Variants in SHLD2 observed in about 807,000 individuals in gnomAD.
The protein encoded by SHLD2 is shieldin complex subunit 2, also known as RINN1-REV7-interacting novel NHEJ regulator 2.
In SHLD2, 30 loss-of-function variants were observed where a neutral mutation model predicts 73.2. The ratio of observed to expected loss-of-function variants is 0.41; its 90% CI spans 0.31 to 0.56. The LOEUF is 0.56. Ranked by LOEUF, SHLD2 falls within the 20% of genes least tolerant of loss-of-function variation. SHLD2 has a pLI of 0.28. For synonymous variants in SHLD2, 285 were observed against 370.1 expected (o/e 0.77, Z 2.64); for missense variants, 745 against 1,055.9 (o/e 0.71, Z 4.08).
chr10:87,128,115 T>G (rs1319644454), intron 2 of SHLD2, among the ~76,000 whole-genome samples: 1 of 152,186 alleles, frequency 6.6e-6, no homozygotes, highest in Non-Finnish European at 1.5e-5. Context: ...AAGTGGTCTT[T>G]CAGGGATTGT....
At chr10:87,178,782 T>C (rs183898800) in intron 7 of SHLD2, among the ~76,000 whole-genome samples, 1 of 152,206 alleles carries the variant, frequency 6.6e-6, no homozygotes, top group South Asian at 2.1e-4. Context: ...TGGTATTGAA[T>C]CTTCTACAGT....
At chr10:87,119,988 A>T (rs1843494637) in intron 2 of SHLD2, among the ~76,000 whole-genome samples, 3 of 152,120 alleles carry the variant, frequency 2.0e-5, no homozygotes, top group Non-Finnish European at 4.4e-5. Flanking sequence ...CAGCATCCTG[A>T]GCAAAGAAAA....
intron 2 of SHLD2, among the ~76,000 whole-genome samples, chr10:87,112,564 C>G (rs1029387693): frequency 6.7e-6 from 1 of 149,406 alleles, no homozygotes; most frequent in South Asian, 2.1e-4. Flanking sequence ...GAGCCTGTGC[C>G]GTCGAGGCTG....
At chr10:87,189,830 C>A (rs536710448) in intron 9 of SHLD2, among the ~76,000 whole-genome samples, 1 of 152,008 alleles carries the variant, frequency 6.6e-6, no homozygotes, top group Non-Finnish European at 1.5e-5. Flanking sequence ...GTGACCGATT[C>A]AAGATTCTTT....
intron 2 of SHLD2, among the ~76,000 whole-genome samples, chr10:87,115,832 G>A (rs1241066659): frequency 6.6e-6 from 1 of 152,118 alleles, no homozygotes; most frequent in Non-Finnish European, 1.5e-5. Context: ...AATCCTGGGG[G>A]AATATCAGCT....
At chr10:87,119,877 A>G (rs2134065320) in intron 2 of SHLD2, among the ~76,000 whole-genome samples, 1 of 151,928 alleles carries the variant, frequency 6.6e-6, no homozygotes, top group Non-Finnish European at 1.5e-5. Flanking sequence ...CAACTTTTGG[A>G]GTTTATGGGC....
In SHLD2 at chr10:87,180,138, T is replaced by C. The variant is rs766013412; in HGVS notation, c.2234T>C (p.Ile745Thr). ...TTTCCTATTACAGCATCTCAGAAGA[T>C]AGCGCTAAATGCTCACAGTTCTCTG... Reference protein sequence around the residue: ...LAFPITASQKIALNAHSSLKS... With the variant: ...LAFPITASQKTALNAHSSLKS... Residue 745 changes from isoleucine (I) to threonine (T), a missense_variant, in exon 8 of 10, where the codon ATA becomes ACA. This residue lies in a region of SHLD2 where 418 missense variants were observed against 567.8 expected (regional missense o/e 0.74). Coordinates refer to ENST00000298786, the MANE Select transcript of SHLD2 (RefSeq NM_001330112.2). The C allele has an allele frequency of 1.2e-6, 2 of 1,613,910 alleles. No individual in the cohort carries two copies. Among genetic ancestry groups the C allele is most frequent in the East Asian group, 4.5e-5 (2 of 44,848 alleles).
intron 2 of SHLD2, among the ~76,000 whole-genome samples, chr10:87,142,045 T>A (rs3129353): frequency 0.59 from 77,566 of 131,388 alleles, 20,764 homozygotes; most frequent in East Asian, 0.77. Context: ...AAAAAAAAAA[T>A]ATATCAAATT....
intron 4 of SHLD2, among the ~76,000 whole-genome samples, chr10:87,164,848 C>T (rs992866940): frequency 2.0e-5 from 3 of 151,978 alleles, no homozygotes; most frequent in African/African-American, 7.3e-5. Context: ...GCTCTTCCTT[C>T]CAATGGAATT....
intron 9 of SHLD2, 115 bp downstream of exon 9, chr10:87,187,315 G>A (rs192059266): frequency 5.2e-5 from 37 of 711,188 alleles, no homozygotes; most frequent in Middle Eastern, 3.2e-4. Context: ...TATGAAAACC[G>A]AAGGATAATT....
intron 2 of SHLD2, among the ~76,000 whole-genome samples, chr10:87,147,056 CA>C (rs1237507855): frequency 0.011 from 493 of 43,750 alleles, no homozygotes; most frequent in Non-Finnish European, 0.018. Flanking sequence ...GACTCTGTCT[CA>C]AAAAAAAAAA....
intron 2 of SHLD2, among the ~76,000 whole-genome samples, chr10:87,143,868 T>C (rs1333543810): frequency 3.4e-5 from 5 of 147,416 alleles, no homozygotes; most frequent in Admixed American, 6.7e-5. Context: ...CTTTCTTTTT[T>C]TTTTTTTTTT....
intron 6 of SHLD2, 140 bp downstream of exon 6, chr10:87,171,114 T>G: frequency 3.3e-6 from 2 of 612,482 alleles, no homozygotes; most frequent in Non-Finnish European, 2.9e-6. Flanking sequence ...TTCTGCAAAT[T>G]TCTTCTGTTA....
intron 2 of SHLD2, among the ~76,000 whole-genome samples, chr10:87,140,335 G>C (rs1264677751): frequency 6.7e-6 from 1 of 150,228 alleles, no homozygotes; most frequent in East Asian, 2.0e-4. Flanking sequence ...CATGAGAATT[G>C]CTTGAGCCAG....
intron 2 of SHLD2, among the ~76,000 whole-genome samples, chr10:87,107,045 C>T (rs1320228455): frequency 7.7e-6 from 1 of 130,102 alleles, no homozygotes; most frequent in African/African-American, 2.9e-5. Flanking sequence ...TAGTGAAGCA[C>T]AGAGAGACTA....
At chr10:87,111,609 C>G (rs1842924401) in intron 2 of SHLD2, among the ~76,000 whole-genome samples, 2 of 149,326 alleles carry the variant, frequency 1.3e-5, no homozygotes, top group Admixed American at 6.7e-5. Context: ...CCACTGCACC[C>G]CAGCCTGGTT....
chr10:87,164,325 T>C (rs895664092), intron 4 of SHLD2, among the ~76,000 whole-genome samples: 2 of 151,338 alleles, frequency 1.3e-5, no homozygotes, highest in African/African-American at 4.9e-5. Flanking sequence ...TGATCTCGGC[T>C]TACTCCAACT....
At chr10:87,159,655 G>C (rs1373778768) in intron 4 of SHLD2, among the ~76,000 whole-genome samples, 1 of 152,162 alleles carries the variant, frequency 6.6e-6, no homozygotes, top group East Asian at 1.9e-4. Flanking sequence ...GGAGGCCAGT[G>C]GAGCTAAAGA....
chr10:87,148,558 T>TGGGG (rs1261224967), intron 2 of SHLD2, among the ~76,000 whole-genome samples: 1 of 112,612 alleles, frequency 8.9e-6, no homozygotes, highest in African/African-American at 3.6e-5. Flanking sequence ...AACAAGTTTG[T>TGGGG]GGGGGGGCGG....
Sources: allele counts gnomAD v4.1 joint callset (sites outside exome capture counted in the v4.1 genomes callset), GRCh38; gene constraint gnomAD v4.1.1; regional missense constraint gnomAD v4.1.1; transcripts MANE v1.5; gene names NCBI Gene and HGNC (gene_info 2026-07-23, HGNC 2026-07-21).